The following CSMD3 variants were observed in gnomAD, a reference collection of about 807,000 sequenced individuals.
CSMD3 encodes CUB and sushi domain-containing protein 3.
CSMD3 carries 177 observed loss-of-function variants against 435.2 expected under a neutral mutation model. The observed-to-expected ratio is 0.41, with a 90% CI of 0.36 to 0.46. The LOEUF (loss-of-function observed/expected upper bound fraction) is 0.46. CSMD3 is among the 20% of genes least tolerant of loss of function. CSMD3 has a pLI of 0.34. For missense variants in CSMD3, 4,265 were observed against 4,504.6 expected (o/e 0.95, Z 1.52); for synonymous variants, 1,656 against 1,520.5 (o/e 1.09, Z -2.07).
intron 1 of CSMD3, among the ~76,000 whole-genome samples, chr8:113,414,896 G>A (rs1362899063): frequency 1.3e-5 from 2 of 152,118 alleles, no homozygotes; most frequent in Non-Finnish European, 2.9e-5. Context: ...AGCCCAGGAG[G>A]CAGAGGTTGG....
intron 7 of CSMD3, among the ~76,000 whole-genome samples, chr8:112,961,360 A>G (rs1180261496): frequency 6.6e-6 from 1 of 151,860 alleles, no homozygotes; most frequent in African/African-American, 2.4e-5. Flanking sequence ...ATCAAAATGG[A>G]AAATTTAGTA....
chr8:112,495,941 C>G (rs1050413087), intron 30 of CSMD3, among the ~76,000 whole-genome samples: 2 of 150,960 alleles, frequency 1.3e-5, no homozygotes, highest in African/African-American at 2.4e-5. Context: ...TATATTTATA[C>G]TATATATGTT....
intron 3 of CSMD3, among the ~76,000 whole-genome samples, chr8:113,246,179 C>T (rs2093274350): frequency 6.6e-6 from 1 of 151,690 alleles, no homozygotes; most frequent in Admixed American, 6.6e-5. Context: ...TTTTCTCTCT[C>T]CTCTTCTTCA....
intron 28 of CSMD3, among the ~76,000 whole-genome samples, chr8:112,515,698 A>C (rs901866981): frequency 2.0e-5 from 3 of 152,038 alleles, no homozygotes. Flanking sequence ...GGTCTCTAAT[A>C]AATTTACTTC....
At chr8:112,535,409 C>T (rs1051044084) in intron 27 of CSMD3, among the ~76,000 whole-genome samples, 2 of 151,776 alleles carry the variant, frequency 1.3e-5, no homozygotes, top group African/African-American at 2.4e-5. Flanking sequence ...CATGAGTGAA[C>T]TCCCATTCAC....
intron 40 of CSMD3, among the ~76,000 whole-genome samples, chr8:112,347,040 G>T (rs972318727): frequency 2.6e-5 from 4 of 151,860 alleles, no homozygotes; most frequent in African/African-American, 9.7e-5. Flanking sequence ...ATTAGATATG[G>T]CCTTATTTTA....
intron 61 of CSMD3, among the ~76,000 whole-genome samples, chr8:112,260,401 G>T (rs73709203): frequency 6.6e-6 from 1 of 152,102 alleles, no homozygotes; most frequent in Admixed American, 6.5e-5. Flanking sequence ...AAAATGTCAT[G>T]ACTAATCCTA....
rs186264359 is a variant in CSMD3 at position 112,962,492 on chromosome 8, A to G, written c.1343-7731T>C. ...TGTGGACAGTGGCATATAGTCTTCCACTATGAATTTCATTAGTGCATTGAA... is the reference window on the plus strand; with the variant it reads ...TGTGGACAGTGGCATATAGTCTTCCGCTATGAATTTCATTAGTGCATTGAA... On this transcript the variant is annotated intron_variant, in intron 7 of 70. Transcript: ENST00000297405. Among the ~76,000 whole-genome samples the G allele has an allele frequency of 2.5e-3, 386 of 151,954 alleles. 11 individuals carry two copies. Among genetic ancestry groups the G allele is most frequent in the Admixed American group, 0.025 (381 of 15,208 alleles).
chr8:112,887,322 C>G (rs1165435113), intron 10 of CSMD3, among the ~76,000 whole-genome samples: 1 of 148,946 alleles, frequency 6.7e-6, no homozygotes, highest in Non-Finnish European at 1.5e-5. Flanking sequence ...ATCTTGTATG[C>G]TATAAATATT....
chr8:113,335,966 C>T (rs1309966975), intron 1 of CSMD3, among the ~76,000 whole-genome samples: 1 of 151,948 alleles, frequency 6.6e-6, no homozygotes, highest in African/African-American at 2.4e-5. Flanking sequence ...TTGACTCTTG[C>T]CAAATTTAGA....
chr8:112,698,007 G>T (rs1163087638), intron 13 of CSMD3, among the ~76,000 whole-genome samples: 2 of 152,092 alleles, frequency 1.3e-5, no homozygotes, highest in African/African-American at 2.4e-5. Flanking sequence ...AAAGTGGAAT[G>T]GGTAGAGTTA....
At chr8:112,583,542 C>A (rs569782108) in intron 23 of CSMD3, among the ~76,000 whole-genome samples, 1 of 151,878 alleles carries the variant, frequency 6.6e-6, no homozygotes, top group Non-Finnish European at 1.5e-5. Context: ...CAAGTGAAAT[C>A]CAAACCTACC....
chr8:113,357,303 T>G (rs547210924), intron 1 of CSMD3, among the ~76,000 whole-genome samples: 2 of 152,260 alleles, frequency 1.3e-5, no homozygotes, highest in South Asian at 2.1e-4. Flanking sequence ...ATGGAGAAAC[T>G]AAAGCTTAGA....
At chr8:112,654,078 T>C (rs1361911865) in intron 18 of CSMD3, among the ~76,000 whole-genome samples, 1 of 152,154 alleles carries the variant, frequency 6.6e-6, no homozygotes, top group Non-Finnish European at 1.5e-5. Flanking sequence ...AATGGTGGCA[T>C]TGCAAGCATT....
At chr8:113,023,178 A>G (rs542769850) in intron 5 of CSMD3, among the ~76,000 whole-genome samples, 125 of 152,092 alleles carry the variant, frequency 8.2e-4, no homozygotes, top group African/African-American at 2.8e-3. Flanking sequence ...AACTTTCTCA[A>G]ATTTTGTAGT....
chr8:112,921,756 A>C lies in CSMD3; in HGVS notation c.1509-5T>G, dbSNP rs370969973. The C allele has an allele frequency of 2.5e-6, 4 of 1,604,068 alleles. No individual in the cohort carries two copies. The African/African-American group carries it at 4.0e-5, about 16-fold the overall frequency. ...AACTGCACAGTTGATCCAAGGCTAA[A>C]GTTAAATAAAAGAGAAAAAATATGA... is the stretch of plus-strand genomic sequence containing the variant. On this transcript the variant is annotated splice_region_variant and splice_polypyrimidine_tract_variant and intron_variant, in intron 9 of 70. Transcript: ENST00000297405.
chr8:113,218,743 T>C (rs1328954330), intron 3 of CSMD3, among the ~76,000 whole-genome samples: 1 of 151,344 alleles, frequency 6.6e-6, no homozygotes, highest in Non-Finnish European at 1.5e-5. Flanking sequence ...CATGCATTAC[T>C]GAAATACAGG....
At chr8:112,358,727 A>G (rs1826881955) in intron 38 of CSMD3, among the ~76,000 whole-genome samples, 5 of 152,174 alleles carry the variant, frequency 3.3e-5, no homozygotes. Context: ...CTGTAAGTCC[A>G]GTTAAACCTC....
chr8:112,660,913 T>C (rs1174795712), intron 17 of CSMD3, among the ~76,000 whole-genome samples: 1 of 152,158 alleles, frequency 6.6e-6, no homozygotes, highest in Non-Finnish European at 1.5e-5. Flanking sequence ...TTTGAGTGGG[T>C]AATTTCAGGA....
Sources: allele counts gnomAD v4.1 joint callset (sites outside exome capture counted in the v4.1 genomes callset), GRCh38; gene constraint gnomAD v4.1.1; transcripts MANE v1.5; gene names NCBI Gene and HGNC (gene_info 2026-07-23, HGNC 2026-07-21).